Variants in TLL1 observed in about 807,000 individuals in gnomAD.
TLL1 encodes tolloid-like protein 1.
In TLL1, 49 loss-of-function variants were observed where a neutral mutation model predicts 128.2. That is an observed-to-expected ratio of 0.38 (90% confidence interval 0.30 to 0.48). The LOEUF (loss-of-function observed/expected upper bound fraction) is 0.48, where lower values mean the gene tolerates loss of function less well. Among genes scored for constraint, TLL1 ranks in the 20% least tolerant of loss-of-function variants. TLL1 has a pLI of 0.96. For missense variants in TLL1, 1,123 were observed against 1,242.0 expected (o/e 0.90, Z 1.44); for synonymous variants, 454 against 418.8 (o/e 1.08, Z -1.03).
intron 8 of TLL1, among the ~76,000 whole-genome samples, chr4:166,015,536 T>A (rs545187152): frequency 6.6e-6 from 1 of 152,172 alleles, no homozygotes; most frequent in East Asian, 1.9e-4. Flanking sequence ...ATTTTTATGA[T>A]TTCTGGTGTC....
intron 8 of TLL1, among the ~76,000 whole-genome samples, chr4:166,024,196 C>T (rs1396341718): frequency 6.6e-6 from 1 of 152,168 alleles, no homozygotes; most frequent in Admixed American, 6.5e-5. Flanking sequence ...TTGTGTTGTA[C>T]AAACATAATA....
Position 166,039,420 on chromosome 4 carries a change from T to C in TLL1, c.1240T>C (p.Trp414Arg). 6.2e-7 allele frequency: 1 copy of C among 1,612,522 alleles called. No homozygotes were observed. Among genetic ancestry groups the C allele is most frequent in the East Asian group, 2.2e-5 (1 of 44,726 alleles). ...CTATATTGAAGTAAGAGACGGGTAC[T>C]GGAGAAAATCACCTCTCCTTGGTAA... is the stretch of plus-strand genomic sequence containing the variant. ...YDYIEVRDGYWRKSPLLGRFC... is the reference protein window; with the variant it reads ...YDYIEVRDGYRRKSPLLGRFC... The change falls in exon 10 of 21, where the codon TGG (tryptophan) becomes CGG (arginine). Residue 414 changes from tryptophan to arginine, a missense_variant. Transcript: ENST00000061240.
At chr4:165,985,083 A>G (rs1410179171) in intron 1 of TLL1, among the ~76,000 whole-genome samples, 2 of 152,016 alleles carry the variant, frequency 1.3e-5, no homozygotes, top group African/African-American at 2.4e-5. Context: ...TTCTGGTACT[A>G]TGGCATTAAG....
intron 1 of TLL1, among the ~76,000 whole-genome samples, chr4:165,964,867 T>G (rs1458294800): frequency 6.6e-6 from 1 of 151,968 alleles, no homozygotes; most frequent in South Asian, 2.1e-4. Flanking sequence ...AGCCCAGGTG[T>G]TAGAGGTTAG....
intron 1 of TLL1, among the ~76,000 whole-genome samples, chr4:165,969,690 C>T (rs1056353457): frequency 6.6e-6 from 1 of 152,076 alleles, no homozygotes; most frequent in Non-Finnish European, 1.5e-5. Context: ...TCAGGGCCTG[C>T]TTTTCTCTCC....
At chr4:166,014,693 T>A in intron 8 of TLL1, 133 bp downstream of exon 8, 3 of 1,386,718 alleles carry the variant, frequency 2.2e-6, no homozygotes, top group Non-Finnish European at 3.0e-6. Context: ...TCAAAGTCAG[T>A]AATCATAAAA....
At position 165,993,469 on chromosome 4, in the gene TLL1, G is replaced by A. The variant is rs184685157; in HGVS notation, c.361+585G>A. Among the ~76,000 whole-genome samples the A allele has an allele frequency of 6.6e-5, 10 of 151,920 alleles. No homozygotes were observed. In the East Asian group the frequency reaches 1.4e-3, roughly 21 times the overall value. On this transcript the variant is annotated intron_variant, in intron 3 of 20. Coordinates refer to ENST00000061240, the MANE Select transcript of TLL1 (RefSeq NM_012464.5). ...CTGTATGCATAGCTCATATTCTAAC[G>A]TTCCTTAAATTGATGGATTACTAAT...
chr4:166,085,353 T>C (rs1474310376), intron 18 of TLL1, among the ~76,000 whole-genome samples: 1 of 152,012 alleles, frequency 6.6e-6, no homozygotes, highest in Non-Finnish European at 1.5e-5. Flanking sequence ...CTTGTCTTAT[T>C]TCAGATCTTA....
chr4:166,060,717 C>G (rs1740271428), intron 15 of TLL1, among the ~76,000 whole-genome samples: 1 of 152,152 alleles, frequency 6.6e-6, no homozygotes, highest in Admixed American at 6.6e-5. Flanking sequence ...ATAGCTTACT[C>G]TACTAAAGGT....
chr4:166,000,169 C>T (rs1246740345), intron 5 of TLL1, among the ~76,000 whole-genome samples: 1 of 152,184 alleles, frequency 6.6e-6, no homozygotes, highest in African/African-American at 2.4e-5. Context: ...AAAAATCCAA[C>T]AGCCGTATAC....
intron 1 of TLL1, among the ~76,000 whole-genome samples, chr4:165,929,471 A>G (rs6536935): frequency 0.39 from 58,646 of 151,358 alleles, 13,301 homozygotes; most frequent in East Asian, 0.81. Flanking sequence ...CCCAGGAGGC[A>G]GAGGTTGCAG....
chr4:165,983,659 A>G (rs1736253733), intron 1 of TLL1, among the ~76,000 whole-genome samples: 1 of 151,902 alleles, frequency 6.6e-6, no homozygotes. Flanking sequence ...GTAATTGAAG[A>G]AGACTGTGTT....
Position 165,994,410 on chromosome 4 carries a change from A to G in TLL1, c.391A>G (p.Lys131Glu), listed in dbSNP as rs1736769879. The G allele has an allele frequency of 6.2e-7, 1 of 1,613,940 alleles. No individual in the cohort carries two copies. Among genetic ancestry groups the G allele is most frequent in the African/African-American group, 1.3e-5 (1 of 74,954 alleles). Reference sequence around the variant, plus strand: ...GGAGCAAAACAACACAGTTAAGGGAAAAGTACCTCTACAATTCTCAGGGCA... The same window carrying G: ...GGAGCAAAACAACACAGTTAAGGGAGAAGTACCTCTACAATTCTCAGGGCA... ...GLEQNNTVKGKVPLQFSGQNE... is the reference protein window; with the variant it reads ...GLEQNNTVKGEVPLQFSGQNE... The change falls in exon 4 of 21, where the codon AAA becomes GAA. Residue 131 changes from lysine (K) to glutamate (E), a missense_variant. By Grantham distance (56) the Lys-to-Glu change is moderately conservative. Coordinates refer to ENST00000061240, the MANE Select transcript of TLL1 (RefSeq NM_012464.5).
At chr4:166,095,913 A>C (rs1741995688) in intron 19 of TLL1, among the ~76,000 whole-genome samples, 1 of 152,112 alleles carries the variant, frequency 6.6e-6, no homozygotes, top group Non-Finnish European at 1.5e-5. Flanking sequence ...GAATAGGTAG[A>C]TTTGATGAAA....
In TLL1 at chr4:165,873,329, A is replaced by G. The variant is rs1730573429; in HGVS notation, c.-576A>G. 6.5e-6 allele frequency: 1 copy of G among 153,666 alleles called. No homozygotes were observed. Among genetic ancestry groups the G allele is most frequent in the Non-Finnish European group, 1.4e-5 (1 of 69,238 alleles). 9.5% of individuals were successfully genotyped at this position (153,666 alleles called of 1,614,324 possible). ...AGGCTTTTAAGGTCTCGCGGCGTAG[A>G]AATGCCTGGCCCCCACCCCCTTCCT... is the stretch of plus-strand genomic sequence containing the variant. On this transcript the variant is annotated 5_prime_UTR_variant, in exon 1 of 21. Transcript: ENST00000061240.
intron 1 of TLL1, among the ~76,000 whole-genome samples, chr4:165,974,731 T>G (rs868123630): frequency 1.2e-4 from 19 of 152,356 alleles, no homozygotes; most frequent in African/African-American, 4.1e-4. Context: ...ACTTATATTA[T>G]ATCCCAGAGG....
intron 13 of TLL1, among the ~76,000 whole-genome samples, chr4:166,056,921 A>C (rs1272475769): frequency 6.6e-6 from 1 of 152,120 alleles, no homozygotes; most frequent in African/African-American, 2.4e-5. Context: ...GGAAGAAATG[A>C]ATTGTTTCCA....
At chr4:165,973,509 C>A (rs1238164291) in intron 1 of TLL1, among the ~76,000 whole-genome samples, 1 of 151,730 alleles carries the variant, frequency 6.6e-6, no homozygotes, top group Non-Finnish European at 1.5e-5. Context: ...GTTTCAGGTG[C>A]AATTCATTCT....
intron 12 of TLL1, among the ~76,000 whole-genome samples, chr4:166,053,650 A>AT (rs1739862106): frequency 6.6e-6 from 1 of 152,150 alleles, no homozygotes; most frequent in African/African-American, 2.4e-5. Flanking sequence ...CAGAAAACAT[A>AT]TTTTTCTACC....
Sources: gnomAD v4.1 joint callset for allele counts (sites outside exome capture counted in the v4.1 genomes callset) on GRCh38, gnomAD v4.1.1 for gene constraint, MANE v1.5 for transcripts, NCBI Gene and HGNC (gene_info 2026-07-23, HGNC 2026-07-21) for gene names.